The following ZBTB8A variants were observed in gnomAD, a reference collection of about 807,000 sequenced individuals.
ZBTB8A encodes zinc finger and BTB domain containing 8A.
ZBTB8A carries 19 observed loss-of-function variants against 37.8 expected under a neutral mutation model. The ratio of observed to expected loss-of-function variants is 0.50; its 90% CI spans 0.35 to 0.74. The LOEUF is 0.74. Among genes scored for constraint, ZBTB8A ranks in the 30% least tolerant of loss-of-function variants. ZBTB8A has a pLI of 0.01. For missense variants in ZBTB8A, 394 were observed against 537.8 expected (o/e 0.73, Z 2.65); for synonymous variants, 181 against 185.2 (o/e 0.98, Z 0.19).
At chr1:32,562,503 T>G (rs1266802142) in intron 2 of ZBTB8A, among the ~76,000 whole-genome samples, 2 of 151,312 alleles carry the variant, frequency 1.3e-5, no homozygotes, top group African/African-American at 2.4e-5. Context: ...ACTCCTGACC[T>G]CAGGTGATCC....
chr1:32,569,256 C>T (rs1644306950), intron 2 of ZBTB8A, among the ~76,000 whole-genome samples: 1 of 151,902 alleles, frequency 6.6e-6, no homozygotes. Flanking sequence ...TATGAAGTGT[C>T]TGTTCAAATC....
chr1:32,568,885 T>C (rs1291124882), intron 2 of ZBTB8A, among the ~76,000 whole-genome samples: 1 of 152,234 alleles, frequency 6.6e-6, no homozygotes, highest in Admixed American at 6.5e-5. Context: ...ACGCACATTT[T>C]ATTTCCAATT....
At position 32,604,041 on chromosome 1, in the gene ZBTB8A, A is replaced by G. The variant is rs1202675201; in HGVS notation, c.*3622A>G. 6.6e-6 allele frequency: 1 copy of G among 152,188 alleles called. No individual in the cohort carries two copies. Among genetic ancestry groups the G allele is most frequent in the Non-Finnish European group, 1.5e-5 (1 of 68,036 alleles). The allele number at this position is 152,188 out of a possible 1,614,324, so 9.4% of individuals were successfully genotyped here. On this transcript the variant is annotated 3_prime_UTR_variant, in exon 5 of 5. Transcript: ENST00000373510. ...TTACATAGGGGTATAATCTGTTTAA[A>G]TAAGCTTTATTTATGCCAAGGATTT...
intron 2 of ZBTB8A, among the ~76,000 whole-genome samples, chr1:32,583,813 A>C (rs371612358): frequency 3.3e-5 from 5 of 151,992 alleles, no homozygotes; most frequent in African/African-American, 1.2e-4. Flanking sequence ...GCGGGATCTC[A>C]GCTCACTGCA....
chr1:32,584,508 CTTTTTTT>C (rs1177778440), intron 2 of ZBTB8A, among the ~76,000 whole-genome samples: 12 of 117,872 alleles, frequency 1.0e-4, no homozygotes, highest in East Asian at 5.0e-4. Context: ...TTCTTTCTTT[CTTTTTTT>C]TTTTTTTTTT....
intron 2 of ZBTB8A, among the ~76,000 whole-genome samples, chr1:32,556,734 G>A (rs1222877180): frequency 2.6e-5 from 4 of 151,948 alleles, no homozygotes; most frequent in African/African-American, 7.3e-5. Flanking sequence ...GAAATTAGCC[G>A]GGCGTGGTGG....
chr1:32,591,888 A>G (rs889308116), intron 2 of ZBTB8A, among the ~76,000 whole-genome samples: 1 of 152,064 alleles, frequency 6.6e-6, no homozygotes, highest in African/African-American at 2.4e-5. Flanking sequence ...CTCTGTCGCC[A>G]GGCTGGAGTG....
chr1:32,539,785 C>T (rs1265376817), intron 1 of ZBTB8A, among the ~76,000 whole-genome samples: 2 of 146,124 alleles, frequency 1.4e-5, no homozygotes, highest in Non-Finnish European at 1.5e-5. Flanking sequence ...CGTCGCCGCC[C>T]GCGCCCGCCT....
At chr1:32,569,525 C>A (rs960637695) in intron 2 of ZBTB8A, among the ~76,000 whole-genome samples, 4 of 150,952 alleles carry the variant, frequency 2.6e-5, no homozygotes, top group African/African-American at 9.7e-5. Flanking sequence ...TCCTGAGTAG[C>A]TAGAACTACA....
intron 4 of ZBTB8A, among the ~76,000 whole-genome samples, chr1:32,597,130 C>G (rs1644539479): frequency 2.0e-5 from 3 of 152,082 alleles, no homozygotes; most frequent in African/African-American, 7.2e-5. Flanking sequence ...TCTCAGCCTC[C>G]CGAGTAGCTG....
At chr1:32,579,152 C>G (rs1240674099) in intron 2 of ZBTB8A, among the ~76,000 whole-genome samples, 1 of 151,886 alleles carries the variant, frequency 6.6e-6, no homozygotes, top group Admixed American at 6.6e-5. Context: ...TCTGGCTGGT[C>G]AAAACTTAAA....
chr1:32,562,274 A>G (rs1644249501), intron 2 of ZBTB8A, among the ~76,000 whole-genome samples: 1 of 150,966 alleles, frequency 6.6e-6, no homozygotes, highest in South Asian at 2.1e-4. Context: ...ATTTTTTAAA[A>G]TTATTTTTTG....
chr1:32,582,473 C>A (rs755074752), intron 2 of ZBTB8A, among the ~76,000 whole-genome samples: 12 of 152,026 alleles, frequency 7.9e-5, no homozygotes, highest in Non-Finnish European at 1.8e-4. Flanking sequence ...CATGAAGAAA[C>A]CCTGTCTCTA....
At chr1:32,572,628 C>T (rs1215823838) in intron 2 of ZBTB8A, among the ~76,000 whole-genome samples, 1 of 152,022 alleles carries the variant, frequency 6.6e-6, no homozygotes, top group Admixed American at 6.6e-5. Context: ...AACTCCTGAC[C>T]TCGGGTAATC....
intron 2 of ZBTB8A, among the ~76,000 whole-genome samples, chr1:32,584,978 ACTC>A (rs1644435671): frequency 6.6e-6 from 1 of 150,720 alleles, no homozygotes; most frequent in African/African-American, 2.5e-5. Context: ...ATGAAATAAA[ACTC>A]CTTATTTGCA....
intron 2 of ZBTB8A, among the ~76,000 whole-genome samples, chr1:32,566,640 G>A (rs1176175879): frequency 3.9e-5 from 6 of 152,176 alleles, no homozygotes; most frequent in Non-Finnish European, 8.8e-5. Flanking sequence ...TACCTCATAT[G>A]GTGTAGTTTC....
At chr1:32,577,510 T>C (rs1644371851) in intron 2 of ZBTB8A, among the ~76,000 whole-genome samples, 2 of 151,622 alleles carry the variant, frequency 1.3e-5, no homozygotes, top group African/African-American at 4.8e-5. Flanking sequence ...GTCTTCAAAT[T>C]CATGGAGTAG....
intron 2 of ZBTB8A, among the ~76,000 whole-genome samples, chr1:32,569,229 TTTTG>T (rs1345707309): frequency 6.6e-6 from 1 of 152,056 alleles, no homozygotes; most frequent in Non-Finnish European, 1.5e-5. Flanking sequence ...CATGTGCTTA[TTTTG>T]TTTGTTTTCT....
At chr1:32,595,570 G>C (rs556841008) in intron 4 of ZBTB8A, among the ~76,000 whole-genome samples, 1 of 143,678 alleles carries the variant, frequency 7.0e-6, no homozygotes, top group Non-Finnish European at 1.5e-5. Context: ...GCCCGGCCTT[G>C]TTTTGTTTTT....
Sources: allele counts gnomAD v4.1 joint callset (sites outside exome capture counted in the v4.1 genomes callset), GRCh38; gene constraint gnomAD v4.1.1; transcripts MANE v1.5; gene names NCBI Gene and HGNC (gene_info 2026-07-23, HGNC 2026-07-21).